Variants in MSI2 observed in about 807,000 individuals in gnomAD.
MSI2 encodes the protein musashi RNA binding protein 2, also known as RNA-binding protein Musashi homolog 2.
Under a neutral mutation model 45.6 loss-of-function variants are expected in MSI2, and 17 were observed. The ratio of observed to expected loss-of-function variants is 0.37; its 90% CI spans 0.26 to 0.56. The LOEUF is 0.56. Ranked by LOEUF, MSI2 falls within the 20% of genes least tolerant of loss-of-function variation. MSI2 has a pLI of 0.77. For synonymous variants in MSI2, 156 were observed against 158.2 expected, an observed-to-expected ratio of 0.99 and a Z score of 0.11; for missense variants, 293 against 444.2, an observed-to-expected ratio of 0.66 and a Z score of 3.06.
chr17:57,348,005 G>A (rs994145100), intron 5 of MSI2, among the ~76,000 whole-genome samples: 4 of 152,216 alleles, frequency 2.6e-5, no homozygotes, highest in Non-Finnish European at 4.4e-5. Context: ...TTGTGTGCAC[G>A]GTGCCCTTGT....
At chr17:57,675,455 CT>C (rs1373610540) in intron 12 of MSI2, among the ~76,000 whole-genome samples, 20 of 152,230 alleles carry the variant, frequency 1.3e-4, no homozygotes, top group African/African-American at 4.6e-4. Context: ...AATCTCTATG[CT>C]TTCCTCAAAA....
chr17:57,641,111 C>G (rs1910222952), intron 10 of MSI2, among the ~76,000 whole-genome samples: 1 of 152,202 alleles, frequency 6.6e-6, no homozygotes, highest in African/African-American at 2.4e-5. Flanking sequence ...CCTGACTGCT[C>G]CACAGTCTAG....
Position 57,282,824 on chromosome 17 carries a change from T to TG in MSI2, c.312+20638dup, listed in dbSNP as rs368232571. 4.9e-3 allele frequency among the ~76,000 whole-genome samples: 138 copies of TG among 28,372 alleles called. 1 individual carries two copies. The highest frequency in any genetic ancestry group is 0.036 in the Middle Eastern group (1 of 28). 18.6% of individuals were successfully genotyped at this position (28,372 alleles called of 152,430 possible). On this transcript the variant is annotated intron_variant, in intron 5 of 13. Coordinates refer to ENST00000284073, the MANE Select transcript of MSI2 (RefSeq NM_138962.4). Reference sequence around the variant, plus strand: ...TTATGCTTGGGCTGGGGTTGGGGGGTGGGGGGCAGACTTTTTTTTTTTTTC... The same window carrying TG: ...TTATGCTTGGGCTGGGGTTGGGGGGTGGGGGGGCAGACTTTTTTTTTTTTTC...
chr17:57,261,674 C>A (rs772772974), intron 4 of MSI2, among the ~76,000 whole-genome samples: 2 of 152,112 alleles, frequency 1.3e-5, no homozygotes, highest in Admixed American at 1.3e-4. Context: ...TCCTTTCCCT[C>A]CTGTGTTGTT....
chr17:57,497,923 C>T (rs2086014553), intron 6 of MSI2, among the ~76,000 whole-genome samples: 1 of 152,278 alleles, frequency 6.6e-6, no homozygotes, highest in South Asian at 2.1e-4. Flanking sequence ...GTCCTTGGTA[C>T]ATTATACCCT....
At chr17:57,416,116 T>C (rs1362521572) in intron 6 of MSI2, among the ~76,000 whole-genome samples, 1 of 152,184 alleles carries the variant, frequency 6.6e-6, no homozygotes, top group African/African-American at 2.4e-5. Flanking sequence ...ACTCTCACTA[T>C]GATAAATGCC....
intron 6 of MSI2, among the ~76,000 whole-genome samples, chr17:57,402,931 G>A (rs1052096621): frequency 1.3e-5 from 2 of 152,176 alleles, no homozygotes; most frequent in Non-Finnish European, 2.9e-5. Context: ...CCAGACTGAT[G>A]TAAAGCAGTA....
intron 5 of MSI2, among the ~76,000 whole-genome samples, chr17:57,335,721 A>G (rs1914645918): frequency 6.6e-6 from 1 of 152,188 alleles, no homozygotes; most frequent in Non-Finnish European, 1.5e-5. Flanking sequence ...GGAGACTGAA[A>G]CGGGGTGAAA....
intron 5 of MSI2, among the ~76,000 whole-genome samples, chr17:57,283,355 G>A (rs1370587748): frequency 3.3e-5 from 5 of 152,134 alleles, no homozygotes; most frequent in Non-Finnish European, 7.4e-5. Context: ...CAGAACCCCA[G>A]AAGTCCCTTT....
intron 6 of MSI2, among the ~76,000 whole-genome samples, chr17:57,502,636 T>TATATATATATATATAGAGAG: frequency 9.3e-5 from 9 of 96,898 alleles, no homozygotes; most frequent in Non-Finnish European, 1.5e-4. Flanking sequence ...TATATATATA[T>TATATATATATATATAGAGAG]AGTCATCATT....
chr17:57,583,488 C>CTTTCTT lies in MSI2; in HGVS notation c.455-13377_455-13376insCTTTTT, dbSNP rs1365477936. On this transcript the variant is annotated intron_variant, in intron 7 of 13. Transcript: ENST00000284073. ...TACTTTTTTCCTTCTCCCAATGTTT[C>CTTTCTT]TTTTTTTTTTTTTTTTTTTGAGACA... Among the ~76,000 whole-genome samples the CTTTCTT allele has an allele frequency of 5.7e-3, 562 of 98,022 alleles. 2 individuals carry two copies. Among genetic ancestry groups the CTTTCTT allele is most frequent in the Middle Eastern group, 0.01 (2 of 194 alleles). The allele number at this position is 98,022 out of a possible 152,430, so 64.3% of individuals were successfully genotyped here.
At chr17:57,335,211 T>A in intron 5 of MSI2, among the ~76,000 whole-genome samples, 1 of 152,128 alleles carries the variant, frequency 6.6e-6, no homozygotes. Flanking sequence ...AAGTATGAAT[T>A]GTTAGCTTTT....
At chr17:57,581,577 G>C (rs1346492033) in intron 7 of MSI2, among the ~76,000 whole-genome samples, 1 of 152,012 alleles carries the variant, frequency 6.6e-6, no homozygotes, top group Non-Finnish European at 1.5e-5. Context: ...TTTTCTTTAG[G>C]AAAAAGAGAC....
At chr17:57,281,250 G>A (rs1440917348) in intron 5 of MSI2, among the ~76,000 whole-genome samples, 1 of 152,226 alleles carries the variant, frequency 6.6e-6, no homozygotes, top group Non-Finnish European at 1.5e-5. Context: ...TAGCCAGGGA[G>A]AGCCTGATCT....
chr17:57,256,592 C>A lies in MSI2; in HGVS notation c.-151C>A. 5.1e-6 allele frequency: 2 copies of A among 393,116 alleles called. No individual in the cohort carries two copies. Among genetic ancestry groups the A allele is most frequent in the East Asian group, 3.8e-5 (1 of 26,656 alleles). The allele number at this position is 393,116 out of a possible 1,614,324, so 24.4% of individuals were successfully genotyped here. A position where few individuals can be genotyped will look rare whatever the true frequency, so the allele number is the denominator to read the frequency against. ...GCTCTCGCCGCTGCCCCGGCTCCGC[C>A]GCTCGCAGAGAGATTCGGAGGAGCC... On this transcript the variant is annotated 5_prime_UTR_variant, in exon 1 of 14. Transcript: ENST00000284073.
chr17:57,505,984 A>C (rs2086219049), intron 6 of MSI2, among the ~76,000 whole-genome samples: 1 of 152,172 alleles, frequency 6.6e-6, no homozygotes. Context: ...TCCCTTCCTG[A>C]TGGCCCCCTC....
At chr17:57,317,281 C>T (rs906478726) in intron 5 of MSI2, among the ~76,000 whole-genome samples, 1 of 152,116 alleles carries the variant, frequency 6.6e-6, no homozygotes, top group African/African-American at 2.4e-5. Context: ...CTTATACCAC[C>T]AACTGAGATG....
intron 11 of MSI2, among the ~76,000 whole-genome samples, chr17:57,661,606 A>AG (rs1369320221): frequency 6.6e-6 from 1 of 152,170 alleles, no homozygotes; most frequent in Non-Finnish European, 1.5e-5. Flanking sequence ...ACCTGGAGCA[A>AG]GGGGTGTGGA....
At chr17:57,526,356 GGTGTGTGTGTGTGTGTGT>G (rs71143203) in intron 6 of MSI2, among the ~76,000 whole-genome samples, 18 of 122,612 alleles carry the variant, frequency 1.5e-4, no homozygotes, top group South Asian at 5.5e-4. Flanking sequence ...GATATACCTG[GGTGTGTGTGTGTGTGTGT>G]GTGTGTGTGT....
Sources: gnomAD v4.1 joint callset for allele counts (sites outside exome capture counted in the v4.1 genomes callset) on GRCh38, gnomAD v4.1.1 for gene constraint, MANE v1.5 for transcripts, NCBI Gene and HGNC (gene_info 2026-07-23, HGNC 2026-07-21) for gene names.